ZFP28: variants seen among roughly 807,000 people sequenced by gnomAD.
ZFP28 encodes the protein zinc finger protein 28 homolog.
ZFP28 carries 31 observed loss-of-function variants against 39.5 expected under a neutral mutation model. The ratio of observed to expected loss-of-function variants is 0.79; its 90% CI spans 0.59 to 1.06. ZFP28 has a LOEUF of 1.06. ZFP28 is among the 50% of genes least tolerant of loss of function. ZFP28 has a pLI of 0.00. For synonymous variants in ZFP28, 400 were observed against 378.6 expected, an observed-to-expected ratio of 1.06 and a Z score of -0.66; for missense variants, 925 against 1,048.4, an observed-to-expected ratio of 0.88 and a Z score of 1.63.
At chr19:56,545,408 T>C (rs1328450090) in intron 2 of ZFP28, among the ~76,000 whole-genome samples, 1 of 152,250 alleles carries the variant, frequency 6.6e-6, no homozygotes, top group Non-Finnish European at 1.5e-5. Context: ...AGTGATTGTA[T>C]ATTATTCAGC....
intron 2 of ZFP28, among the ~76,000 whole-genome samples, chr19:56,542,507 C>T (rs774723092): frequency 6.6e-6 from 1 of 152,116 alleles, no homozygotes; most frequent in Non-Finnish European, 1.5e-5. Flanking sequence ...ATAGGTGGAC[C>T]CTTGCAGCCC....
intron 5 of ZFP28, among the ~76,000 whole-genome samples, chr19:56,549,609 G>A (rs2044276541): frequency 6.6e-6 from 1 of 151,930 alleles, no homozygotes; most frequent in South Asian, 2.1e-4. Context: ...CCCGGGAGGC[G>A]GAGCTTGCAG....
In ZFP28 at chr19:56,555,515, C is replaced by A; in HGVS notation, c.*123C>A. On this transcript the variant is annotated 3_prime_UTR_variant, in exon 8 of 8. Coordinates refer to ENST00000301318, the MANE Select transcript of ZFP28 (RefSeq NM_020828.2). ...CATAAGTGTAAATGTAACTTATTCA[C>A]TCCTCTTGTAAAACTTATAGTTTCT... The A allele has an allele frequency of 7.7e-7, 1 of 1,299,066 alleles. No individual in the cohort carries two copies. The highest frequency in any genetic ancestry group is 1.1e-6 in the Non-Finnish European group (1 of 950,974). The allele number at this position is 1,299,066 out of a possible 1,614,324, so 80.5% of individuals were successfully genotyped here. A position where few individuals can be genotyped will look rare whatever the true frequency, so the allele number is the denominator to read the frequency against.
At chr19:56,548,709 A>G (rs1229997104) in intron 4 of ZFP28, among the ~76,000 whole-genome samples, 1 of 152,168 alleles carries the variant, frequency 6.6e-6, no homozygotes, top group African/African-American at 2.4e-5. Context: ...ACTCTTATTC[A>G]ACTTTTAGGT....
chr19:56,552,070 T>G, intron 7 of ZFP28: 1 of 758,688 alleles, frequency 1.3e-6, no homozygotes, highest in Non-Finnish European at 1.6e-6. Flanking sequence ...TATTTCATTT[T>G]TAATGACTAT....
intron 7 of ZFP28, chr19:56,550,839 G>C: frequency 1.4e-6 from 2 of 1,467,006 alleles, no homozygotes; most frequent in Non-Finnish European, 1.8e-6. Context: ...ACTGGGACGT[G>C]TATCATCCAC....
rs1352368212 is a variant in ZFP28 at position 56,547,210 on chromosome 19, C to T, written c.301-298C>T. 5 of 301,512 alleles carry T rather than the reference C, an allele frequency of 1.7e-5. No individual in the cohort carries two copies. The highest frequency in any genetic ancestry group is 9.3e-5 in the Admixed American group (2 of 21,620). The allele number at this position is 301,512 out of a possible 1,614,324, so 18.7% of individuals were successfully genotyped here. On this transcript the variant is annotated intron_variant, in intron 2 of 7. Coordinates refer to ENST00000301318, the MANE Select transcript of ZFP28 (RefSeq NM_020828.2). The surrounding 1 kb of genome is among the most constrained non-coding windows in gnomAD (Gnocchi z 4.6). ...CCTCTCTCCTTGGCTTGCAGACGGC[C>T]GTCTTCTCTCTGTGTCCTCACGTGG... is the stretch of plus-strand genomic sequence containing the variant.
At chr19:56,553,625 C>T in intron 7 of ZFP28, 59 bp from the exon 8 acceptor site, 1 of 1,516,688 alleles carries the variant, frequency 6.6e-7, no homozygotes, top group South Asian at 1.4e-5. Context: ...TTCCTTTTGG[C>T]AGATTCCTTT....
Position 56,547,651 on chromosome 19 carries a change from C to T in ZFP28, c.427+17C>T, listed in dbSNP as rs764810187. 4.6e-5 allele frequency: 73 copies of T among 1,599,590 alleles called. No homozygotes were observed. Among genetic ancestry groups the T allele is most frequent in the Non-Finnish European group, 5.9e-5 (69 of 1,172,500 alleles). On this transcript the variant is annotated intron_variant, in intron 3 of 7. Coordinates refer to ENST00000301318, the MANE Select transcript of ZFP28 (RefSeq NM_020828.2). This position sits in a 1 kb window ranked among gnomAD's most constrained non-coding sequence, Gnocchi z 4.6. ...CATCGCTGGGTAAGGGCTCCCACCC[C>T]TTTTCCCACCCCTCACCCTACCCAC...
intron 7 of ZFP28, 108 bp from the exon 8 acceptor site, chr19:56,553,576 G>A (rs937716738): frequency 7.2e-7 from 1 of 1,384,870 alleles, no homozygotes; most frequent in East Asian, 2.3e-5. Flanking sequence ...TAAAATGTAT[G>A]TTGATGAATT....
In ZFP28 at chr19:56,555,442, C is replaced by T. The variant is rs759718340; in HGVS notation, c.*50C>T. ...CTACTCCAGCAGTTTAAAACCCCAT[C>T]TCCCTGCCCTTTTGTTTTCTTTTTG... On this transcript the variant is annotated 3_prime_UTR_variant, in exon 8 of 8. Coordinates refer to ENST00000301318, the MANE Select transcript of ZFP28 (RefSeq NM_020828.2). 5.2e-6 allele frequency: 8 copies of T among 1,526,508 alleles called. No homozygotes were observed. Among genetic ancestry groups the T allele is most frequent in the Non-Finnish European group, 7.0e-6 (8 of 1,141,946 alleles). The allele number at this position is 1,526,508 out of a possible 1,614,324, so 94.6% of individuals were successfully genotyped here.
At position 56,547,438 on chromosome 19, in the gene ZFP28, C is replaced by T; in HGVS notation, c.301-70C>T. 6.8e-6 allele frequency: 11 copies of T among 1,608,702 alleles called. No homozygotes were observed. Among genetic ancestry groups the T allele is most frequent in the Non-Finnish European group, 8.5e-6 (10 of 1,177,246 alleles). On this transcript the variant is annotated intron_variant, in intron 2 of 7. Transcript: ENST00000301318. This position sits in a 1 kb window ranked among gnomAD's most constrained non-coding sequence, Gnocchi z 4.6. Reference sequence around the variant, plus strand: ...GTTTTGTCAGGGGACACATTTCTTTCTATAACAAACCCCCAGTCATGTGGG... The same window carrying T: ...GTTTTGTCAGGGGACACATTTCTTTTTATAACAAACCCCCAGTCATGTGGG...
At chr19:56,540,386 G>A (rs1037551533) in intron 2 of ZFP28, among the ~76,000 whole-genome samples, 2 of 152,188 alleles carry the variant, frequency 1.3e-5, no homozygotes, top group Admixed American at 1.3e-4. Flanking sequence ...TTTAAAACAT[G>A]CCAGTAAATA....
Position 56,555,988 on chromosome 19 carries a change from TACTC to T in ZFP28, c.*598_*601del, listed in dbSNP as rs1249890751. ...TGCATGAAGTTAAAACAACTGACGT[TACTC>T]AAGAATTAGAAAACTTTGCAAGATT... On this transcript the variant is annotated 3_prime_UTR_variant, in exon 8 of 8. Transcript: ENST00000301318. The T allele has an allele frequency of 6.6e-6, 1 of 152,230 alleles. No individual in the cohort carries two copies. Among genetic ancestry groups the T allele is most frequent in the African/African-American group, 2.4e-5 (1 of 41,468 alleles). 9.4% of individuals were successfully genotyped at this position (152,230 alleles called of 1,614,324 possible).
In ZFP28 at chr19:56,547,968, C is replaced by T; in HGVS notation, c.523+66C>T. Reference sequence around the variant, plus strand: ...TCATAGTTCAGCTGACTCAGACACGCAACATCTTCAGCAGACTCTTCCTAA... The same window carrying T: ...TCATAGTTCAGCTGACTCAGACACGTAACATCTTCAGCAGACTCTTCCTAA... On this transcript the variant is annotated intron_variant, in intron 4 of 7. Transcript: ENST00000301318. The surrounding 1 kb of genome is among the most constrained non-coding windows in gnomAD (Gnocchi z 4.6). 1 of 1,473,658 alleles carries T rather than the reference C, an allele frequency of 6.8e-7. No homozygotes were observed. The highest frequency in any genetic ancestry group is 9.4e-7 in the Non-Finnish European group (1 of 1,060,434). 91.3% of individuals were successfully genotyped at this position (1,473,658 alleles called of 1,614,324 possible).
At chr19:56,544,617 A>G (rs1315633595) in intron 2 of ZFP28, 1 of 152,232 alleles carries the variant, frequency 6.6e-6, no homozygotes, top group Admixed American at 6.5e-5. Flanking sequence ...CCAGCTCTAC[A>G]GCTGACTGTC....
rs1006273799 is a variant in ZFP28, at chr19:56,556,162, T to A, written c.*770T>A. 22 of 152,218 alleles carry A rather than the reference T, an allele frequency of 1.4e-4. No individual in the cohort carries two copies. The highest frequency in any genetic ancestry group is 5.3e-4 in the African/African-American group (22 of 41,458). 9.4% of individuals were successfully genotyped at this position (152,218 alleles called of 1,614,324 possible). ...TCACTGACTGTTTTTGTATGGTCCATGATCTAGAATTTAAAAAAATTTTAA... is the reference window on the plus strand; with the variant it reads ...TCACTGACTGTTTTTGTATGGTCCAAGATCTAGAATTTAAAAAAATTTTAA... On this transcript the variant is annotated 3_prime_UTR_variant, in exon 8 of 8. Transcript: ENST00000301318.
Position 56,553,866 on chromosome 19 carries a change from C to T in ZFP28, c.1081C>T (p.Pro361Ser). ...TCAAGAGACACAATTCAGGCAAGAG[C>T]CAATTACTCATAACAAAACCCTCTC... ...VGQETQFRQE[P>S]ITHNKTLSKE... Residue 361 changes from proline (P) to serine (S), a missense_variant, in exon 8 of 8, where the codon CCA becomes TCA. Physicochemically the swap from Pro to Ser is moderately conservative, Grantham distance 74 (BLOSUM62 -1). Around this residue, in one of 2 missense-constraint regions of ZFP28, gnomAD observed 556 missense variants for 542.9 expected, o/e 1.02. Transcript: ENST00000301318. 1 of 1,614,026 alleles carries T rather than the reference C, an allele frequency of 6.2e-7. No homozygotes were observed. Among genetic ancestry groups the T allele is most frequent in the Non-Finnish European group, 8.5e-7 (1 of 1,179,994 alleles).
intron 6 of ZFP28, 65 bp downstream of exon 6, chr19:56,550,246 T>C: frequency 3.4e-6 from 5 of 1,465,802 alleles, no homozygotes; most frequent in Non-Finnish European, 3.7e-6. Context: ...AACTTCAGTT[T>C]TGAATTATGG....
Sources: gnomAD v4.1 joint callset for allele counts (sites outside exome capture counted in the v4.1 genomes callset) on GRCh38, gnomAD v4.1.1 for gene constraint, gnomAD v4.1.1 regional missense constraint, Gnocchi (gnomAD v3.1) non-coding constraint, MANE v1.5 for transcripts, NCBI Gene and HGNC (gene_info 2026-07-23, HGNC 2026-07-21) for gene names.